The following ANK3 variants were observed in gnomAD, a reference collection of about 807,000 sequenced individuals.
ANK3 encodes ankyrin 3, also known as ankyrin-3.
Under a neutral mutation model 370.9 loss-of-function variants are expected in ANK3, and 57 were observed. That is an observed-to-expected ratio of 0.15 (90% CI 0.12 to 0.19). The LOEUF is 0.19. Among genes scored for constraint, ANK3 ranks in the 10% least tolerant of loss-of-function variants. ANK3 has a pLI of 1.00. For missense variants in ANK3, 4,439 were observed against 5,302.1 expected (o/e 0.84, Z 5.06); for synonymous variants, 1,929 against 1,946.3 (o/e 0.99, Z 0.23).
chr10:60,277,510 T>A (rs2098108667), intron 4 of ANK3, among the ~76,000 whole-genome samples: 1 of 152,244 alleles, frequency 6.6e-6, no homozygotes, highest in South Asian at 2.1e-4. Flanking sequence ...CTTTTTAATT[T>A]TCATAGCATA....
At chr10:60,252,137 G>A (rs959949647) in intron 7 of ANK3, among the ~76,000 whole-genome samples, 1 of 152,228 alleles carries the variant, frequency 6.6e-6, no homozygotes, top group African/African-American at 2.4e-5. Flanking sequence ...GCTGACACCT[G>A]TGCAATCCTT....
chr10:60,704,019 G>T (rs1053507131), intron 1 of ANK3, among the ~76,000 whole-genome samples: 2 of 152,170 alleles, frequency 1.3e-5, no homozygotes, highest in Admixed American at 1.3e-4. Context: ...CACCTGGGTT[G>T]CTTGGAATAC....
At chr10:60,612,918 G>A (rs996408225) in intron 2 of ANK3, among the ~76,000 whole-genome samples, 1 of 152,128 alleles carries the variant, frequency 6.6e-6, no homozygotes, top group Non-Finnish European at 1.5e-5. Flanking sequence ...TGCTACAGAA[G>A]GTAGCATAAC....
chr10:60,615,106 A>G (rs1465372619), intron 2 of ANK3: 1 of 926,056 alleles, frequency 1.1e-6, no homozygotes, highest in Non-Finnish European at 1.5e-6. Context: ...AATTCATTCA[A>G]CTCTATGTTT....
chr10:60,588,463 G>T (rs1412495583), intron 2 of ANK3, among the ~76,000 whole-genome samples: 2 of 151,804 alleles, frequency 1.3e-5, no homozygotes, highest in South Asian at 2.1e-4. Context: ...GATTACAGGC[G>T]TGAGCCACAA....
intron 23 of ANK3, among the ~76,000 whole-genome samples, chr10:60,157,886 AAGAGAGAGAGAGAGAG>A (rs59965251): frequency 2.1e-4 from 28 of 132,864 alleles, no homozygotes; most frequent in Non-Finnish European, 3.0e-4. Flanking sequence ...GAGAGAGAAA[AAGAGAGAGAGAGAGAG>A]AGAGAGAGAG....
At chr10:60,703,431 A>G (rs368367972) in intron 1 of ANK3, among the ~76,000 whole-genome samples, 1 of 152,152 alleles carries the variant, frequency 6.6e-6, no homozygotes, top group Non-Finnish European at 1.5e-5. Context: ...TGTGTCTATA[A>G]TTGTTATGGT....
At chr10:60,114,548 A>G (rs1312961957) in intron 25 of ANK3, among the ~76,000 whole-genome samples, 1 of 152,264 alleles carries the variant, frequency 6.6e-6, no homozygotes, top group Non-Finnish European at 1.5e-5. Flanking sequence ...ATCTTTTAAG[A>G]AAGCTCCCTG....
At chr10:60,567,905 A>AC (rs907648434) in intron 2 of ANK3, among the ~76,000 whole-genome samples, 13 of 152,146 alleles carry the variant, frequency 8.5e-5, no homozygotes, top group African/African-American at 3.1e-4. Flanking sequence ...AGAGCTAGAA[A>AC]CCTGAAGACA....
intron 1 of ANK3, among the ~76,000 whole-genome samples, chr10:60,328,817 G>A (rs1485289418): frequency 6.6e-6 from 1 of 152,102 alleles, no homozygotes; most frequent in East Asian, 1.9e-4. Flanking sequence ...ACCTGGCAAA[G>A]ACACAACAAC....
chr10:60,411,497 G>C (rs2063559657), intron 2 of ANK3, among the ~76,000 whole-genome samples: 2 of 152,186 alleles, frequency 1.3e-5, no homozygotes, highest in South Asian at 2.1e-4. Flanking sequence ...GGGGAGAAGG[G>C]AGCATGTGGC....
At chr10:60,538,063 C>A (rs1294906353) in intron 2 of ANK3, among the ~76,000 whole-genome samples, 1 of 151,864 alleles carries the variant, frequency 6.6e-6, no homozygotes, top group Non-Finnish European at 1.5e-5. Context: ...CTAAGCAAGG[C>A]AACTGTGGTT....
intron 1 of ANK3, among the ~76,000 whole-genome samples, chr10:60,672,890 G>A (rs1015507301): frequency 1.3e-5 from 2 of 152,192 alleles, no homozygotes; most frequent in African/African-American, 2.4e-5. Context: ...AGGATGCCCA[G>A]TTGTTCACTG....
intron 41 of ANK3, among the ~76,000 whole-genome samples, chr10:60,057,066 C>T (rs904702884): frequency 2.6e-5 from 4 of 152,140 alleles, no homozygotes; most frequent in African/African-American, 9.7e-5. Context: ...CCCCCAAGTA[C>T]CCCAAATTCC....
chr10:60,700,999 C>T (rs1378048298), intron 1 of ANK3, among the ~76,000 whole-genome samples: 1 of 151,630 alleles, frequency 6.6e-6, no homozygotes, highest in Admixed American at 6.6e-5. Context: ...AAATGACAAG[C>T]TGGTAAAAAT....
intron 1 of ANK3, among the ~76,000 whole-genome samples, chr10:60,384,262 T>C (rs193061816): frequency 1.3e-5 from 2 of 152,166 alleles, no homozygotes; most frequent in African/African-American, 4.8e-5. Flanking sequence ...GAAATCCTTG[T>C]GTTGGTAATT....
At chr10:60,642,637 T>TG (rs200229050) in intron 1 of ANK3, among the ~76,000 whole-genome samples, 45,174 of 144,654 alleles carry the variant, frequency 0.31, 7,497 homozygotes, top group African/African-American at 0.45. Flanking sequence ...TGTTGTGGGG[T>TG]GGGGGGGCGA....
At chr10:60,056,939 C>T (rs868275960) in intron 41 of ANK3, among the ~76,000 whole-genome samples, 1 of 151,980 alleles carries the variant, frequency 6.6e-6, no homozygotes, top group South Asian at 2.1e-4. Context: ...GTGGGAGGAT[C>T]GCTTGAGCCT....
intron 8 of ANK3, among the ~76,000 whole-genome samples, chr10:60,231,220 C>G (rs1052390003): frequency 2.0e-5 from 3 of 152,172 alleles, no homozygotes; most frequent in African/African-American, 7.2e-5. Flanking sequence ...ATATCTTGCT[C>G]TGATCCTACC....
Sources: gnomAD v4.1 joint callset for allele counts (sites outside exome capture counted in the v4.1 genomes callset) on GRCh38, gnomAD v4.1.1 for gene constraint, MANE v1.5 for transcripts, NCBI Gene and HGNC (gene_info 2026-07-23, HGNC 2026-07-21) for gene names.